Variants in DOK6 observed in about 807,000 individuals in gnomAD.
The protein encoded by DOK6 is downstream of tyrosine kinase 6.
Under a neutral mutation model 44.0 loss-of-function variants are expected in DOK6, and 22 were observed. The observed-to-expected ratio is 0.50, with a 90% CI of 0.36 to 0.71. The LOEUF is 0.71. Ranked by LOEUF, DOK6 falls within the 30% of genes least tolerant of loss-of-function variation. DOK6 has a pLI of 0.00. For synonymous variants in DOK6, 166 were observed against 145.5 expected (o/e 1.14, Z -1.01); for missense variants, 340 against 416.4 (o/e 0.82, Z 1.60).
chr18:69,696,046 G>T (rs1986382852), intron 4 of DOK6, among the ~76,000 whole-genome samples: 1 of 152,078 alleles, frequency 6.6e-6, no homozygotes, highest in Admixed American at 6.6e-5. Context: ...TTTTAAATGG[G>T]CCTTGATGAT....
intron 1 of DOK6, among the ~76,000 whole-genome samples, chr18:69,482,866 A>T (rs1384245421): frequency 6.6e-6 from 1 of 152,026 alleles, no homozygotes; most frequent in African/African-American, 2.4e-5. Context: ...CTGTTCTTTT[A>T]AAAATTATTT....
chr18:69,624,960 A>G (rs1984523691), intron 3 of DOK6, among the ~76,000 whole-genome samples: 1 of 152,134 alleles, frequency 6.6e-6, no homozygotes, highest in Non-Finnish European at 1.5e-5. Context: ...TCTACTAAAT[A>G]TCACCTAAAA....
intron 5 of DOK6, among the ~76,000 whole-genome samples, chr18:69,718,468 T>C (rs1986933063): frequency 1.3e-5 from 2 of 152,104 alleles, no homozygotes; most frequent in South Asian, 4.1e-4. Flanking sequence ...AACTCTTATG[T>C]GAGTTGAAAA....
chr18:69,776,088 C>T (rs1485090667), intron 7 of DOK6, among the ~76,000 whole-genome samples: 1 of 151,736 alleles, frequency 6.6e-6, no homozygotes, highest in African/African-American at 2.4e-5. Context: ...AAATTGAAAA[C>T]ATGACAATTA....
rs1916084751 is a variant in DOK6 at position 69,401,085 on chromosome 18, C to A, written c.-160C>A. On this transcript the variant is annotated 5_prime_UTR_variant, in exon 1 of 8. Coordinates refer to ENST00000382713, the MANE Select transcript of DOK6 (RefSeq NM_152721.6). ...CCGTCCGCGGCGGCCCTGCAGGCGA[C>A]CCCGCGTCCCCACCGGCGGGAGCTC... The A allele has an allele frequency of 1.8e-6, 1 of 547,040 alleles. No individual in the cohort carries two copies. Among genetic ancestry groups the A allele is most frequent in the Non-Finnish European group, 2.6e-6 (1 of 385,980 alleles). 33.9% of individuals were successfully genotyped at this position (547,040 alleles called of 1,614,324 possible).
intron 1 of DOK6, among the ~76,000 whole-genome samples, chr18:69,437,802 G>A (rs184211608): frequency 3.4e-4 from 52 of 152,228 alleles, no homozygotes; most frequent in African/African-American, 1.1e-3. Context: ...TCTTAAAAAT[G>A]TTATTGGTTC....
At chr18:69,516,641 T>C (rs1169400350) in intron 1 of DOK6, among the ~76,000 whole-genome samples, 1 of 152,132 alleles carries the variant, frequency 6.6e-6, no homozygotes, top group Non-Finnish European at 1.5e-5. Context: ...TTGTTTTGGC[T>C]GCACTAGATA....
intron 1 of DOK6, among the ~76,000 whole-genome samples, chr18:69,460,911 TTTGAACCTGTC>T (rs1446625406): frequency 6.6e-6 from 1 of 152,200 alleles, no homozygotes; most frequent in Admixed American, 6.5e-5. Context: ...TACTTGGTCT[TTTGAACCTGTC>T]TTGTTTCTGT....
At chr18:69,710,154 G>C (rs547347385) in intron 5 of DOK6, among the ~76,000 whole-genome samples, 22 of 152,064 alleles carry the variant, frequency 1.4e-4, no homozygotes, top group Admixed American at 1.4e-3. Flanking sequence ...ACTCTAGCCT[G>C]GTCAACAGAG....
intron 1 of DOK6, among the ~76,000 whole-genome samples, chr18:69,496,653 T>C (rs1451715988): frequency 6.6e-6 from 1 of 152,248 alleles, no homozygotes; most frequent in African/African-American, 2.4e-5. Flanking sequence ...ATGACATTAT[T>C]ACCAGAAAAT....
intron 3 of DOK6, among the ~76,000 whole-genome samples, chr18:69,603,601 C>T (rs900319587): frequency 1.3e-5 from 2 of 152,042 alleles, no homozygotes; most frequent in Non-Finnish European, 2.9e-5. Context: ...GAAACCCCGT[C>T]TCTACTAAAA....
chr18:69,713,398 G>A (rs1294939774), intron 5 of DOK6, among the ~76,000 whole-genome samples: 1 of 152,176 alleles, frequency 6.6e-6, no homozygotes, highest in African/African-American at 2.4e-5. Context: ...AGCATGGATT[G>A]TGGAATAAGC....
intron 4 of DOK6, among the ~76,000 whole-genome samples, chr18:69,693,440 G>C (rs147577879): frequency 8.1e-4 from 123 of 152,018 alleles, no homozygotes; most frequent in African/African-American, 2.1e-3. Flanking sequence ...CCATGTGCTA[G>C]ATGCACACTT....
intron 7 of DOK6, among the ~76,000 whole-genome samples, chr18:69,774,521 CAT>C (rs1273273006): frequency 4.0e-5 from 6 of 151,828 alleles, no homozygotes; most frequent in African/African-American, 7.2e-5. Context: ...TTTTTTAAAA[CAT>C]GTGTTAAGAG....
At chr18:69,760,205 T>C (rs180697497) in intron 7 of DOK6, among the ~76,000 whole-genome samples, 1 of 152,344 alleles carries the variant, frequency 6.6e-6, no homozygotes, top group East Asian at 1.9e-4. Context: ...GTAGTTTTTT[T>C]ACTAGGTGCT....
At chr18:69,748,646 G>T (rs1386432490) in intron 6 of DOK6, among the ~76,000 whole-genome samples, 1 of 152,156 alleles carries the variant, frequency 6.6e-6, no homozygotes, top group African/African-American at 2.4e-5. Context: ...AATTAAGGCA[G>T]AAATCAAACA....
At chr18:69,803,716 G>A (rs901017214) in intron 7 of DOK6, among the ~76,000 whole-genome samples, 14 of 152,080 alleles carry the variant, frequency 9.2e-5, no homozygotes, top group African/African-American at 2.2e-4. Flanking sequence ...CAAAAAAGCC[G>A]AGTGTGGTGG....
At chr18:69,699,291 T>A (rs77785917) in intron 5 of DOK6, among the ~76,000 whole-genome samples, 1 of 152,342 alleles carries the variant, frequency 6.6e-6, no homozygotes, top group African/African-American at 2.4e-5. Flanking sequence ...TTTATCACAT[T>A]CTTAAAATGA....
At chr18:69,430,308 G>C (rs1312743902) in intron 1 of DOK6, among the ~76,000 whole-genome samples, 1 of 152,148 alleles carries the variant, frequency 6.6e-6, no homozygotes, top group African/African-American at 2.4e-5. Flanking sequence ...TAATGACAAG[G>C]AAAGTAGGTC....
Sources: allele counts gnomAD v4.1 joint callset (sites outside exome capture counted in the v4.1 genomes callset), GRCh38; gene constraint gnomAD v4.1.1; transcripts MANE v1.5; gene names NCBI Gene and HGNC (gene_info 2026-07-23, HGNC 2026-07-21).